SLC67A1: variants seen among roughly 807,000 people sequenced by gnomAD.
The protein encoded by SLC67A1 is solute carrier family 67 member A1.
the SLC67A1 span, chr11:2,922,322 G>A: frequency 1.3e-6 from 2 of 1,522,952 alleles, no homozygotes; most frequent in South Asian, 1.2e-5. Context: ...ACCCACCCGG[G>A]GCCAGCTCTT....
At chr11:2,922,906 C>A in the SLC67A1 span, among the ~76,000 whole-genome samples, 1 of 152,276 alleles carries the variant, frequency 6.6e-6, no homozygotes, top group East Asian at 1.9e-4. Context: ...GGGCCCTCCC[C>A]CAGCACGGGG....
At chr11:2,922,115 T>TG in the SLC67A1 span, 1 of 1,613,192 alleles carries the variant, frequency 6.2e-7, no homozygotes, top group Non-Finnish European at 8.5e-7. Flanking sequence ...ACCCAGGGCC[T>TG]GGTCATCGGG....
At chr11:2,901,689 G>A in the SLC67A1 span, among the ~76,000 whole-genome samples, 1 of 152,326 alleles carries the variant, frequency 6.6e-6, no homozygotes, top group East Asian at 1.9e-4. Context: ...GGAAGTGGCA[G>A]GCAGGGTGAA....
the SLC67A1 span, chr11:2,908,154 C>A: frequency 3.1e-6 from 3 of 975,346 alleles, no homozygotes; most frequent in Admixed American, 1.7e-5. Flanking sequence ...CCTCCCACCC[C>A]CTGCCCATCC....
chr11:2,916,398 G>A, the SLC67A1 span: 3 of 470,114 alleles, frequency 6.4e-6, no homozygotes, highest in African/African-American at 4.0e-5. Flanking sequence ...TGCATGGCGT[G>A]GCGAGGGTCA....
At chr11:2,919,780 G>A in the SLC67A1 span, 3 of 234,784 alleles carry the variant, frequency 1.3e-5, no homozygotes, top group Non-Finnish European at 2.5e-5. Flanking sequence ...AAAGTGGTTA[G>A]ACCAGCGTGG....
At chr11:2,918,006 T>C in the SLC67A1 span, 4 of 1,613,174 alleles carry the variant, frequency 2.5e-6, no homozygotes, top group African/African-American at 2.7e-5. Flanking sequence ...CGGGCCAGTG[T>C]GTTCGACCTG....
chr11:2,905,266 T>C, the SLC67A1 span, among the ~76,000 whole-genome samples: 48,753 of 151,726 alleles, frequency 0.32, 8,580 homozygotes, highest in African/African-American at 0.48. Flanking sequence ...GCAGTGGTGA[T>C]GGAGGAGGGG....
chr11:2,900,550 G>C, the SLC67A1 span, among the ~76,000 whole-genome samples: 1 of 151,874 alleles, frequency 6.6e-6, no homozygotes, highest in African/African-American at 2.4e-5. Flanking sequence ...AAAAATTAGC[G>C]GGGGCTGTGG....
chr11:2,909,572 C>G, the SLC67A1 span: 26 of 1,526,618 alleles, frequency 1.7e-5, 1 homozygote, highest in African/African-American at 2.9e-4. Context: ...CCCGCCCCGT[C>G]CCCAGCCGCC....
At chr11:2,900,460 A>G in the SLC67A1 span, among the ~76,000 whole-genome samples, 1 of 151,746 alleles carries the variant, frequency 6.6e-6, no homozygotes, top group Non-Finnish European at 1.5e-5. Context: ...TGGGAGGCCG[A>G]GGGGGGGCGG....
At chr11:2,909,619 C>G in the SLC67A1 span, 1 of 1,531,968 alleles carries the variant, frequency 6.5e-7, no homozygotes, top group Non-Finnish European at 8.7e-7. Flanking sequence ...ACCCGAGGAG[C>G]GGCCCGCGGC....
At chr11:2,908,097 C>A in the SLC67A1 span, 1 of 617,500 alleles carries the variant, frequency 1.6e-6, no homozygotes, top group South Asian at 1.9e-5. Context: ...GGGAAGGGCC[C>A]CTCGATGGTC....
At chr11:2,910,781 C>T in the SLC67A1 span, among the ~76,000 whole-genome samples, 1 of 152,194 alleles carries the variant, frequency 6.6e-6, no homozygotes, top group African/African-American at 2.4e-5. Context: ...CAAGGCCGTG[C>T]CTGACCCTGG....
At chr11:2,906,676 G>A in the SLC67A1 span, among the ~76,000 whole-genome samples, 1 of 149,918 alleles carries the variant, frequency 6.7e-6, no homozygotes, top group African/African-American at 2.5e-5. Flanking sequence ...GAGAACACCT[G>A]GACACAGGGC....
chr11:2,900,269 C>A, the SLC67A1 span, among the ~76,000 whole-genome samples: 1 of 152,162 alleles, frequency 6.6e-6, no homozygotes, highest in Admixed American at 6.5e-5. Context: ...TCCCCTCGAG[C>A]GGTACACTGC....
At chr11:2,915,296 T>C in the SLC67A1 span, 101,251 of 903,248 alleles carry the variant, frequency 0.11, 6,754 homozygotes, top group East Asian at 0.55. Context: ...TGTGTGTGTG[T>C]GCGCATGTGG....
At chr11:2,909,708 CG>C in the SLC67A1 span, 1 of 1,527,154 alleles carries the variant, frequency 6.5e-7, no homozygotes. Context: ...TCTCCGCGTA[CG>C]GGTGAGTGGT....
the SLC67A1 span, chr11:2,903,390 C>T: frequency 5.6e-6 from 9 of 1,612,984 alleles, no homozygotes; most frequent in Admixed American, 1.7e-5. Context: ...GGTCCCCCGG[C>T]AGGATGAGCG....
Sources: allele counts gnomAD v4.1 joint callset (sites outside exome capture counted in the v4.1 genomes callset), GRCh38; gene constraint gnomAD v4.1.1; transcripts MANE v1.5; gene names NCBI Gene and HGNC (gene_info 2026-07-23, HGNC 2026-07-21).